SASH3: variants seen among roughly 807,000 people sequenced by gnomAD.
SASH3 encodes SAM and SH3 domain-containing protein 3.
In SASH3, 7 loss-of-function variants were observed where a neutral mutation model predicts 26.1. The ratio of observed to expected loss-of-function variants is 0.27; its 90% confidence interval spans 0.15 to 0.50. SASH3 has a LOEUF of 0.50. SASH3 is among the 20% of genes least tolerant of loss of function. The probability of loss-of-function intolerance (pLI) is 0.98; values close to 1 mark genes in which losing one functional copy is unlikely to be tolerated. For missense variants in SASH3, 231 were observed against 318.3 expected, an observed-to-expected ratio of 0.73 and a Z score of 2.09; for synonymous variants, 138 against 136.8, an observed-to-expected ratio of 1.01 and a Z score of -0.06.
rs188013552 is a variant in SASH3, at chrX:129,791,577, C to A, written c.442+496C>A. 5.3e-5 allele frequency among the ~76,000 whole-genome samples: 6 copies of A among 112,194 alleles called. No homozygotes were observed. In the East Asian group the frequency reaches 1.4e-3, roughly 26 times the overall value. ...ACCATAGTTGCTGGGCTCAGGGCAT[C>A]ACCTGGCATCTTCTAGAAGTCCATG... On this transcript the variant is annotated intron_variant, in intron 4 of 7. Transcript: ENST00000356892.
At chrX:129,789,165 GAGA>G (rs1222605162) in intron 3 of SASH3, among the ~76,000 whole-genome samples, 4 of 62,480 alleles carry the variant, frequency 6.4e-5, no homozygotes, top group Admixed American at 3.7e-4. Context: ...AAGAAAGAAA[GAGA>G]AAAAAAAAAA....
At chrX:129,780,627 G>A (rs1926998854) in intron 1 of SASH3, among the ~76,000 whole-genome samples, 1 of 112,616 alleles carries the variant, frequency 8.9e-6, no homozygotes, top group Non-Finnish European at 1.9e-5. Context: ...TCACAGGACT[G>A]CCACCCCCTC....
rs982029828 is a variant in SASH3 at position 129,787,703 on chromosome X, T to C, written c.58-272T>C. 5.4e-5 allele frequency among the ~76,000 whole-genome samples: 6 copies of C among 112,119 alleles called. 1 individual carries two copies. Among genetic ancestry groups the C allele is most frequent in the African/African-American group, 1.9e-4 (6 of 30,843 alleles). ...ATTCTGGGGACCAAACTTGAGGAAC[T>C]GGTGGAATTTCAGGCTAAGTCTGAG... On this transcript the variant is annotated intron_variant, in intron 1 of 7. Coordinates refer to ENST00000356892, the MANE Select transcript of SASH3 (RefSeq NM_018990.4).
At chrX:129,793,554 T>G in intron 7 of SASH3, 88 bp from the exon 8 acceptor site, 2 of 981,910 alleles carry the variant, frequency 2.0e-6, no homozygotes, top group African/African-American at 1.9e-5. Flanking sequence ...CGGTGGCAGG[T>G]GCCCAGAAGG....
At chrX:129,787,252 C>T (rs762618505) in intron 1 of SASH3, among the ~76,000 whole-genome samples, 21 of 112,496 alleles carry the variant, frequency 1.9e-4, no homozygotes, top group Non-Finnish European at 3.8e-4. Flanking sequence ...CACTGGCAAA[C>T]GTCACTATTG....
chrX:129,790,893 A>T, intron 3 of SASH3, 47 bp from the exon 4 acceptor site: 1 of 1,183,823 alleles, frequency 8.4e-7, no homozygotes, highest in Non-Finnish European at 1.1e-6. Context: ...AGCTTCATGC[A>T]CACCCCAGCA....
In SASH3 at chrX:129,794,036, C is replaced by T; in HGVS notation, c.*204C>T. The T allele has an allele frequency of 2.4e-6, 1 of 409,867 alleles. No homozygotes were observed. The highest frequency in any genetic ancestry group is 4.9e-5 in the South Asian group (1 of 20,229). 33.8% of individuals were successfully genotyped at this position (409,867 alleles called of 1,213,427 possible). On this transcript the variant is annotated 3_prime_UTR_variant, in exon 8 of 8. Coordinates refer to ENST00000356892, the MANE Select transcript of SASH3 (RefSeq NM_018990.4). ...GTGGTTGGGGAGTCGCCCAAGGGCA[C>T]ATCCCACCTGCCTGAGCCCCGCCCT...
intron 1 of SASH3, among the ~76,000 whole-genome samples, chrX:129,783,432 C>T (rs1369122060): frequency 8.9e-6 from 1 of 112,156 alleles, no homozygotes; most frequent in Non-Finnish European, 1.9e-5. Context: ...AACTTCTACA[C>T]TGGTGGGGCG....
chrX:129,788,137 G>GGGGGGGGGGGGGGGTGGT, intron 2 of SASH3, 67 bp downstream of exon 2: 1 of 354,277 alleles, frequency 2.8e-6, no homozygotes. Flanking sequence ...GGGTGGGAGG[G>GGGGGGGGGGGGGGGTGGT]AAGAGGGTGA....
chrX:129,783,561 G>A (rs1927054178), intron 1 of SASH3, among the ~76,000 whole-genome samples: 1 of 112,227 alleles, frequency 8.9e-6, no homozygotes, highest in African/African-American at 3.2e-5. Flanking sequence ...CCCTGCCTAG[G>A]GCACTTCATT....
chrX:129,793,920 G>C lies in SASH3; in HGVS notation c.*88G>C. On this transcript the variant is annotated 3_prime_UTR_variant, in exon 8 of 8. Coordinates refer to ENST00000356892, the MANE Select transcript of SASH3 (RefSeq NM_018990.4). ...CCTCCCGTGGTGGCCCAGGTCCTGA[G>C]GACTGGCACTGAGCCTGGCCCTGCT... 1 of 893,622 alleles carries C rather than the reference G, an allele frequency of 1.1e-6. No individual in the cohort carries two copies. Among genetic ancestry groups the C allele is most frequent in the African/African-American group, 1.9e-5 (1 of 51,302 alleles). 73.6% of individuals were successfully genotyped at this position (893,622 alleles called of 1,213,427 possible).
intron 1 of SASH3, among the ~76,000 whole-genome samples, chrX:129,785,324 C>T (rs970659884): frequency 7.2e-5 from 8 of 111,318 alleles, no homozygotes; most frequent in African/African-American, 1.3e-4. Flanking sequence ...CTCTGAAAGG[C>T]GGTCAAGATA....
chrX:129,784,099 C>T (rs745828666), intron 1 of SASH3, among the ~76,000 whole-genome samples: 41 of 110,908 alleles, frequency 3.7e-4, no homozygotes, highest in African/African-American at 1.3e-3. Context: ...TACACCCCCC[C>T]CTTCCCCCAG....
Position 129,792,432 on chromosome X carries a change from G to C in SASH3, c.547G>C (p.Asp183His), listed in dbSNP as rs760525860. The C allele has an allele frequency of 1.7e-6, 2 of 1,210,067 alleles. No individual in the cohort carries two copies. The highest frequency in any genetic ancestry group is 2.2e-6 in the Non-Finnish European group (2 of 895,205). Residue 183 changes from aspartate (D) to histidine (H), a missense_variant, in exon 5 of 8, where the codon GAC (aspartate) becomes CAC (histidine). By Grantham distance (81) the Asp-to-His change is moderately conservative (BLOSUM62 -1). Coordinates refer to ENST00000356892, the MANE Select transcript of SASH3 (RefSeq NM_018990.4). The part of the protein sequence containing the change: ...PFCGRARVHT[D>H]FTPSPYDHDS... ...CTGTGGCCGGGCACGAGTCCACACC[G>C]ACTTCACTCCCAGCCCCTATGACCA...
At chrX:129,785,309 C>T (rs1313352223) in intron 1 of SASH3, among the ~76,000 whole-genome samples, 2 of 111,123 alleles carry the variant, frequency 1.8e-5, no homozygotes, top group Non-Finnish European at 3.8e-5. Context: ...ATGGGGGTCA[C>T]CTCTCTCTGA....
chrX:129,790,677 A>C (rs1184144723), intron 3 of SASH3, among the ~76,000 whole-genome samples: 4 of 111,265 alleles, frequency 3.6e-5, no homozygotes, highest in Admixed American at 9.5e-5. Context: ...CTGTATGTAC[A>C]TCGGCACTTG....
At chrX:129,788,875 G>A (rs1927159262) in intron 3 of SASH3, among the ~76,000 whole-genome samples, 1 of 110,247 alleles carries the variant, frequency 9.1e-6, no homozygotes, top group South Asian at 3.8e-4. Context: ...GGGAGACTGG[G>A]GCCGATCACT....
intron 5 of SASH3, 60 bp downstream of exon 5, chrX:129,792,536 G>A: frequency 4.1e-6 from 5 of 1,204,918 alleles, no homozygotes; most frequent in Admixed American, 4.3e-5. Context: ...AAGGAAGCTG[G>A]ACTGAACCAG....
In SASH3 at chrX:129,780,107, C is replaced by G. The variant is rs749177330; in HGVS notation, c.10C>G (p.Arg4Gly). 8.3e-7 allele frequency: 1 copy of G among 1,211,103 alleles called. No individual in the cohort carries two copies. Among genetic ancestry groups the G allele is most frequent in the Non-Finnish European group, 1.1e-6 (1 of 894,986 alleles). Residue 4 changes from arginine to glycine, a missense_variant, in exon 1 of 8, where the codon CGC becomes GGC. Coordinates refer to ENST00000356892, the MANE Select transcript of SASH3 (RefSeq NM_018990.4). The part of the protein sequence containing the change: MLR[R>G]KPSNASEKEP... ...CCCAGGGTGGAGGACCATGCTGCGC[C>G]GCAAGCCCTCCAATGCCAGTGAGAA... is the stretch of plus-strand genomic sequence containing the variant.
Sources: gnomAD v4.1 joint callset for allele counts (sites outside exome capture counted in the v4.1 genomes callset) on GRCh38, gnomAD v4.1.1 for gene constraint, MANE v1.5 for transcripts, NCBI Gene and HGNC (gene_info 2026-07-23, HGNC 2026-07-21) for gene names.